EVI5: variants seen among roughly 807,000 people sequenced by gnomAD.
EVI5 encodes ecotropic viral integration site 5 protein homolog.
In EVI5, 73 loss-of-function variants were observed where a neutral mutation model predicts 112.0. The ratio of observed to expected loss-of-function variants is 0.65; its 90% confidence interval spans 0.54 to 0.79. The LOEUF is 0.79. EVI5 is among the 30% of genes least tolerant of loss of function. The pLI is 0.00. For synonymous variants in EVI5, 305 were observed against 319.9 expected, an observed-to-expected ratio of 0.95 and a Z score of 0.50; for missense variants, 900 against 968.8, an observed-to-expected ratio of 0.93 and a Z score of 0.94.
chr1:92,567,104 G>A (rs562572673), intron 18 of EVI5, among the ~76,000 whole-genome samples: 19 of 152,140 alleles, frequency 1.2e-4, no homozygotes, highest in African/African-American at 4.6e-4. Flanking sequence ...GAGCCACCAC[G>A]CTCGGCCATG....
chr1:92,624,246 C>G lies in EVI5; in HGVS notation c.1757G>C (p.Arg586Pro), dbSNP rs201719783. ...TGCTTGTGTTTCAGCTTCTCTAAGT[C>G]GAATGGTCATCAGTTCATCTTGTAA... ...NELQDELMTIRLREAETQAEI... is the reference protein window; with the variant it reads ...NELQDELMTIPLREAETQAEI... The change falls in exon 16 of 20, where the codon CGA becomes CCA. Residue 586 changes from arginine to proline, a missense_variant. Arg to Pro is a moderately radical substitution (Grantham distance 103). Coordinates refer to ENST00000684568, the MANE Select transcript of EVI5 (RefSeq NM_001350197.2). 6.2e-7 allele frequency: 1 copy of G among 1,612,892 alleles called. No individual in the cohort carries two copies. The highest frequency in any genetic ancestry group is 1.3e-5 in the African/African-American group (1 of 74,836).
At chr1:92,664,147 A>T (rs1324514241) in intron 11 of EVI5, among the ~76,000 whole-genome samples, 1 of 152,222 alleles carries the variant, frequency 6.6e-6, no homozygotes, top group African/African-American at 2.4e-5. Context: ...TGAGTAAGCA[A>T]TTCCAATTAT....
At chr1:92,774,133 G>A (rs1683813503) in intron 1 of EVI5, 1 of 152,024 alleles carries the variant, frequency 6.6e-6, no homozygotes, top group African/African-American at 2.4e-5. Flanking sequence ...CTGCAGATAA[G>A]GGAGGACTAC....
chr1:92,646,737 C>T (rs563507651), intron 13 of EVI5, among the ~76,000 whole-genome samples: 27 of 152,272 alleles, frequency 1.8e-4, no homozygotes, highest in African/African-American at 6.3e-4. Flanking sequence ...TCTTTAAATG[C>T]TTTGTCACAC....
Position 92,784,821 on chromosome 1 carries a change from C to A in EVI5, c.-82+15G>T, listed in dbSNP as rs1685403500. 2.0e-6 allele frequency: 2 copies of A among 985,534 alleles called. No homozygotes were observed. The highest frequency in any genetic ancestry group is 9.4e-5 in the South Asian group (2 of 21,288). The allele number at this position is 985,534 out of a possible 1,614,324, so 61.0% of individuals were successfully genotyped here. ...CGGCCTCCCGGCCCGCCCGGCCTGG[C>A]GCAGCGCCCCTCACCTTGGAAACGT... is the stretch of plus-strand genomic sequence containing the variant. On this transcript the variant is annotated intron_variant, in intron 1 of 19. Transcript: ENST00000684568.
At chr1:92,649,201 T>G (rs1661605225) in intron 13 of EVI5, among the ~76,000 whole-genome samples, 1 of 152,206 alleles carries the variant, frequency 6.6e-6, no homozygotes, top group Admixed American at 6.5e-5. Flanking sequence ...TCAAGTCTTT[T>G]GCCCACTTTA....
chr1:92,745,098 ATTTTT>A (rs750800778), intron 1 of EVI5, among the ~76,000 whole-genome samples: 1 of 129,824 alleles, frequency 7.7e-6, no homozygotes, highest in Non-Finnish European at 1.6e-5. Flanking sequence ...TGCCAGGCTA[ATTTTT>A]TTTTTTTTTT....
At chr1:92,611,981 G>C (rs1401065106) in intron 16 of EVI5, among the ~76,000 whole-genome samples, 1 of 151,904 alleles carries the variant, frequency 6.6e-6, no homozygotes, top group African/African-American at 2.4e-5. Flanking sequence ...TGACTAACAG[G>C]TGAACAAATC....
At chr1:92,598,127 C>T (rs943986296) in intron 18 of EVI5, among the ~76,000 whole-genome samples, 3 of 152,082 alleles carry the variant, frequency 2.0e-5, no homozygotes, top group Admixed American at 1.3e-4. Context: ...TTGTCTCCCC[C>T]ACCACTGCCC....
upstream of EVI5, among the ~76,000 whole-genome samples, chr1:92,786,747 T>C (rs1258263994): frequency 3.3e-5 from 5 of 152,234 alleles, no homozygotes; most frequent in Admixed American, 2.6e-4. Flanking sequence ...TTAAACACTT[T>C]CCCATTCTCT....
At chr1:92,638,797 A>G (rs1490877744) in intron 13 of EVI5, among the ~76,000 whole-genome samples, 1 of 152,162 alleles carries the variant, frequency 6.6e-6, no homozygotes, top group African/African-American at 2.4e-5. Context: ...TACAGAGCCC[A>G]TGTTCCTCAC....
At position 92,752,604 on chromosome 1, in the gene EVI5, T is replaced by C. The variant is rs1306175871; in HGVS notation, c.-81-15977A>G. On this transcript the variant is annotated intron_variant, in intron 1 of 19. Transcript: ENST00000684568. ...AGCAGGTTGTTCAGTTCTGGGAACT[T>C]TTCCTTCTTTGTGGGGAGCGGGGAG... 3.9e-5 allele frequency among the ~76,000 whole-genome samples: 6 copies of C among 152,128 alleles called. No homozygotes were observed. In the East Asian group the frequency reaches 5.8e-4, roughly 15 times the overall value.
chr1:92,707,460 C>G (rs952662933), intron 2 of EVI5, among the ~76,000 whole-genome samples: 1 of 151,274 alleles, frequency 6.6e-6, no homozygotes. Context: ...AAGTCAATAA[C>G]TAAGAAACCA....
At chr1:92,730,644 T>C (rs1676309576) in intron 2 of EVI5, among the ~76,000 whole-genome samples, 1 of 144,184 alleles carries the variant, frequency 6.9e-6, no homozygotes, top group Non-Finnish European at 1.5e-5. Context: ...ATTATGCCAC[T>C]GCATTCCAGC....
intron 18 of EVI5, among the ~76,000 whole-genome samples, chr1:92,568,289 T>C (rs1192359222): frequency 6.6e-5 from 10 of 150,666 alleles, no homozygotes; most frequent in Admixed American, 6.6e-5. Context: ...GGCGGGCGGA[T>C]TGCTTGAGTC....
chr1:92,738,317 C>T (rs1648326835), intron 1 of EVI5, among the ~76,000 whole-genome samples: 1 of 151,864 alleles, frequency 6.6e-6, no homozygotes, highest in Admixed American at 6.6e-5. Flanking sequence ...AAAGCACACT[C>T]TAATATTTAA....
At chr1:92,622,067 C>T (rs1184763720) in intron 16 of EVI5, among the ~76,000 whole-genome samples, 1 of 151,692 alleles carries the variant, frequency 6.6e-6, no homozygotes, top group East Asian at 1.9e-4. Flanking sequence ...TTGCACTGAG[C>T]TGAGATCTGG....
At position 92,533,554 on chromosome 1, in the gene EVI5, T is replaced by G. The variant is rs146004629; in HGVS notation, c.2167-19584A>C. On this transcript the variant is annotated intron_variant, in intron 19 of 19. Transcript: ENST00000684568. ...CTCAATAAAATACTGGCAAACCGAA[T>G]CCAGCAGCACATCAAAAAGCTTATC... 3.4e-3 allele frequency among the ~76,000 whole-genome samples: 523 copies of G among 152,218 alleles called. 2 individuals are homozygous for G. The highest frequency in any genetic ancestry group is 0.012 in the African/African-American group (496 of 41,528).
At chr1:92,685,023 A>G (rs1351175729) in intron 9 of EVI5, among the ~76,000 whole-genome samples, 3 of 151,988 alleles carry the variant, frequency 2.0e-5, no homozygotes, top group Non-Finnish European at 4.4e-5. Context: ...AAGGATATCC[A>G]GGACTTGAAC....
Sources: gnomAD v4.1 joint callset for allele counts (sites outside exome capture counted in the v4.1 genomes callset) on GRCh38, gnomAD v4.1.1 for gene constraint, MANE v1.5 for transcripts, NCBI Gene and HGNC (gene_info 2026-07-23, HGNC 2026-07-21) for gene names.